Variants in FMO5 observed in about 807,000 individuals in gnomAD.
The protein encoded by FMO5 is flavin-containing monooxygenase 5.
FMO5 carries 51 observed loss-of-function variants against 43.6 expected under a neutral mutation model. The observed-to-expected ratio is 1.17, with a 90% CI of 0.93 to 1.48. FMO5 has a LOEUF of 1.48. Among genes scored for constraint, FMO5 ranks in the 40% most tolerant of loss-of-function variants. FMO5 has a pLI of 0.00. For missense variants in FMO5, 644 were observed against 643.0 expected (o/e 1.00, Z -0.02); for synonymous variants, 187 against 216.5 (o/e 0.86, Z 1.20).
At chr1:147,208,490 A>C (rs1464501238) in intron 6 of FMO5, 8 of 139,986 alleles carry the variant, frequency 5.7e-5, no homozygotes, top group African/African-American at 1.9e-4. Context: ...CCCAGGCTGG[A>C]GTGCAGTGGT....
At chr1:147,224,837 G>T in intron 2 of FMO5, 58 bp downstream of exon 2, 2 of 1,536,270 alleles carry the variant, frequency 1.3e-6, no homozygotes, top group Non-Finnish European at 1.8e-6. Flanking sequence ...ATAAACTGTC[G>T]TATGCACCTA....
At chr1:147,193,480 G>A (rs1372140843) in intron 7 of FMO5, among the ~76,000 whole-genome samples, 2 of 151,976 alleles carry the variant, frequency 1.3e-5, no homozygotes, top group Non-Finnish European at 1.5e-5. Flanking sequence ...TTAATTTTTT[G>A]AAGGGTTTTT....
chr1:147,201,295 T>C lies in FMO5; in HGVS notation c.1040A>G (p.Lys347Arg). Residue 347 changes from lysine (K) to arginine (R), a missense_variant, in exon 7 of 9, where the codon AAA becomes AGA. Physicochemically the swap from Lys to Arg is conservative, Grantham distance 26. Transcript: ENST00000254090. ...PFLEDSVKVV[K>R]NKISLYKKVF... ...CTTTTTATACAGGGATATCTTGTTT[T>C]TGACCACTTTGACGGAATCTTCCAG... 1 of 1,614,198 alleles carries C rather than the reference T, an allele frequency of 6.2e-7. No individual in the cohort carries two copies. Among genetic ancestry groups the C allele is most frequent in the South Asian group, 1.1e-5 (1 of 91,086 alleles).
In FMO5 at chr1:147,224,996, C is replaced by T. The variant is rs782731754; in HGVS notation, c.34G>A (p.Gly12Arg). ...TTGATGGAAGAGAGCCCGCTCACTC[C>T]TCCCCCAATCACAGCAATTCTTTTC... ...TKKRIAVIGG[G>R]VSGLSSIKCC... Residue 12 changes from glycine (G) to arginine (R), a missense_variant, in exon 2 of 9, where the codon GGA becomes AGA. Transcript: ENST00000254090. 6.2e-7 allele frequency: 1 copy of T among 1,614,058 alleles called. No individual in the cohort carries two copies. Among genetic ancestry groups the T allele is most frequent in the South Asian group, 1.1e-5 (1 of 91,084 alleles).
intron 8 of FMO5, 50 bp from the exon 9 acceptor site, chr1:147,187,295 A>G (rs1278472092): frequency 1.9e-5 from 26 of 1,398,634 alleles, no homozygotes; most frequent in Non-Finnish European, 2.4e-5. Context: ...TCAATCAGTC[A>G]GTCAATCAAT....
rs1655622636 is a variant in FMO5 at position 147,186,376 on chromosome 1, A to G, written c.*524T>C. ...GCAAGTGAAACAAAATGTCTTAAGC[A>G]TCTATATGTCTTATCTTAGATACAT... On this transcript the variant is annotated 3_prime_UTR_variant, in exon 9 of 9. Coordinates refer to ENST00000254090, the MANE Select transcript of FMO5 (RefSeq NM_001461.4). The G allele has an allele frequency of 1.1e-6, 1 of 921,310 alleles. No homozygotes were observed. The highest frequency in any genetic ancestry group is 6.2e-5 in the Admixed American group (1 of 16,180). The allele number at this position is 921,310 out of a possible 1,614,324, so 57.1% of individuals were successfully genotyped here. A position where few individuals can be genotyped will look rare whatever the true frequency, so the allele number is the denominator to read the frequency against.
chr1:147,224,024 G>A, intron 2 of FMO5: 1 of 420,574 alleles, frequency 2.4e-6, no homozygotes, highest in Non-Finnish European at 4.7e-6. Context: ...GGTGGTGATT[G>A]CACACGATGC....
rs781898525 is a variant in FMO5 at position 147,187,227 on chromosome 1, G to A, written c.1275C>T (p.Arg425=). ...CTATGTAGTCTCCCTGAATGGTATGGCGTTGGCTCTCCACATACCTAAAGT... is the reference window on the plus strand; with the variant it reads ...CTATGTAGTCTCCCTGAATGGTATGACGTTGGCTCTCCACATACCTAAAGT... ...EIDKRYVESQ[R]HTIQGDYIDT... The change falls in exon 9 of 9, where the codon CGC becomes CGT. Residue 425 remains arginine, a synonymous_variant. Coordinates refer to ENST00000254090, the MANE Select transcript of FMO5 (RefSeq NM_001461.4). The A allele has an allele frequency of 1.7e-5, 28 of 1,608,182 alleles. 1 individual carries two copies. In the South Asian group the frequency reaches 2.6e-4, roughly 15 times the overall value.
chr1:147,221,143 G>C (rs1553926165), intron 2 of FMO5, among the ~76,000 whole-genome samples: 1 of 151,730 alleles, frequency 6.6e-6, no homozygotes, highest in African/African-American at 2.4e-5. Flanking sequence ...CAAAAACAAG[G>C]AAAGTCTAAG....
At position 147,208,896 on chromosome 1, in the gene FMO5, G is replaced by C. The variant is rs587730252; in HGVS notation, c.786C>G (p.Asn262Lys). 449 of 1,614,100 alleles carry C rather than the reference G, an allele frequency of 2.8e-4. 3 individuals carry two copies. The South Asian group carries it at 4.6e-3, about 17-fold the overall frequency. The part of the protein sequence containing the change: ...LANKYLEKKI[N>K]QRFDHEMFGL... ...CAAACATTTCATGGTCAAACCTTTG[G>C]TTTATCTTTTTTTCCAAATATTTGT... The change falls in exon 6 of 9, where the codon AAC becomes AAG. Residue 262 changes from asparagine to lysine, a missense_variant. Physicochemically the swap from Asn to Lys is moderately conservative, Grantham distance 94. Transcript: ENST00000254090.
In FMO5 at chr1:147,186,301, C is replaced by T. The variant is rs1655610862; in HGVS notation, c.*599G>A. On this transcript the variant is annotated 3_prime_UTR_variant, in exon 9 of 9. Transcript: ENST00000254090. ...TTATTGAGAAAATAAAGACATGGTTCCTAAGGAAAAGGGCTAAAAATGACC... is the reference window on the plus strand; with the variant it reads ...TTATTGAGAAAATAAAGACATGGTTTCTAAGGAAAAGGGCTAAAAATGACC... 2.0e-6 allele frequency: 2 copies of T among 981,464 alleles called. No homozygotes were observed. The highest frequency in any genetic ancestry group is 6.2e-5 in the Admixed American group (1 of 16,238). 60.8% of individuals were successfully genotyped at this position (981,464 alleles called of 1,614,324 possible). A position where few individuals can be genotyped will look rare whatever the true frequency, so the allele number is the denominator to read the frequency against.
downstream of FMO5, chr1:147,184,530 T>C (rs1409021412): frequency 6.5e-7 from 1 of 1,548,502 alleles, no homozygotes; most frequent in African/African-American, 1.4e-5. This position sits in a 1 kb window ranked among gnomAD's most constrained non-coding sequence, Gnocchi z 4.4. Context: ...GGACAATTTC[T>C]CAGACTTTCT....
At chr1:147,203,676 C>T in intron 6 of FMO5, 4 of 1,465,698 alleles carry the variant, frequency 2.7e-6, no homozygotes, top group Admixed American at 1.7e-5. Context: ...ATCTGTTTGG[C>T]TAATTCAATT....
Position 147,225,007 on chromosome 1 carries a change from A to C in FMO5, c.23T>G (p.Val8Gly). MTKKRIA[V>G]IGGGVSGLSS... ...GAGCCCGCTCACTCCTCCCCCAATC[A>C]CAGCAATTCTTTTCTTAGTCATGGT... The change falls in exon 2 of 9, where the codon GTG (valine) becomes GGG (glycine). Residue 8 changes from valine (V) to glycine (G), a missense_variant. Transcript: ENST00000254090. 2 of 1,613,890 alleles carry C rather than the reference A, an allele frequency of 1.2e-6. No homozygotes were observed. The highest frequency in any genetic ancestry group is 8.5e-7 in the Non-Finnish European group (1 of 1,179,882).
In FMO5 at chr1:147,196,473, C is replaced by A. The variant is rs587734505; in HGVS notation, c.1183+4679G>T. Among the ~76,000 whole-genome samples, 4 of 151,266 alleles carry A rather than the reference C, an allele frequency of 2.6e-5. No individual in the cohort carries two copies. The South Asian group carries it at 8.4e-4, about 32-fold the overall frequency. The stretch of plus-strand genomic sequence containing the variant: ...TATATTTCTTGATTGTGGGAGACAC[C>A]CAATTCATAAAAGAAAGAAAAAAAC... On this transcript the variant is annotated intron_variant, in intron 7 of 8. Coordinates refer to ENST00000254090, the MANE Select transcript of FMO5 (RefSeq NM_001461.4).
At chr1:147,194,076 CTCGTTGA>C (rs1366922871) in intron 7 of FMO5, among the ~76,000 whole-genome samples, 3 of 152,064 alleles carry the variant, frequency 2.0e-5, no homozygotes, top group African/African-American at 7.3e-5. Flanking sequence ...AACCTTCTGT[CTCGTTGA>C]TCTGTCTAAT....
chr1:147,200,755 C>G (rs1553920697), intron 7 of FMO5, among the ~76,000 whole-genome samples: 1 of 151,884 alleles, frequency 6.6e-6, no homozygotes, highest in Non-Finnish European at 1.5e-5. Context: ...TTATTTTTAT[C>G]TATAATGAAA....
chr1:147,211,398 T>A (rs1411258908), intron 5 of FMO5: 5 of 152,256 alleles, frequency 3.3e-5, no homozygotes, highest in Non-Finnish European at 7.3e-5. Flanking sequence ...GATTATTTCC[T>A]GATAAATGTC....
chr1:147,222,623 A>G (rs1425169405), intron 2 of FMO5, among the ~76,000 whole-genome samples: 1 of 152,258 alleles, frequency 6.6e-6, no homozygotes, highest in Non-Finnish European at 1.5e-5. Context: ...CTCTAGAAAT[A>G]TAACGGTGAA....
Sources: allele counts gnomAD v4.1 joint callset (sites outside exome capture counted in the v4.1 genomes callset), GRCh38; gene constraint gnomAD v4.1.1; non-coding constraint Gnocchi (gnomAD v3.1); transcripts MANE v1.5; gene names NCBI Gene and HGNC (gene_info 2026-07-23, HGNC 2026-07-21).